Variants in WWOX observed in about 807,000 individuals in gnomAD.
The protein encoded by WWOX is WW domain containing oxidoreductase.
WWOX carries 69 observed loss-of-function variants against 46.2 expected under a neutral mutation model. That is an observed-to-expected ratio of 1.49 (90% CI 1.23 to 1.82). WWOX has a LOEUF of 1.82. Among genes scored for constraint, WWOX ranks in the 40% most tolerant of loss-of-function variants. The pLI, the probability that WWOX is intolerant of heterozygous loss-of-function variation, is 0.00. For synonymous variants in WWOX, 359 were observed against 202.6 expected, an observed-to-expected ratio of 1.77 and a Z score of -6.56; for missense variants, 919 against 542.6, an observed-to-expected ratio of 1.69 and a Z score of -6.89.
chr16:79,099,033 G>C (rs555620076), intron 8 of WWOX, among the ~76,000 whole-genome samples: 1 of 151,804 alleles, frequency 6.6e-6, no homozygotes, highest in African/African-American at 2.4e-5. Context: ...TTCACTCCTG[G>C]CAGAAGGCAA....
intron 8 of WWOX, among the ~76,000 whole-genome samples, chr16:78,869,598 G>A (rs985542529): frequency 1.3e-5 from 2 of 152,206 alleles, no homozygotes; most frequent in African/African-American, 2.4e-5. Flanking sequence ...TTGACACTGC[G>A]CATGGGCTCG....
intron 8 of WWOX, among the ~76,000 whole-genome samples, chr16:78,683,118 C>G (rs750039096): frequency 5.9e-5 from 9 of 152,150 alleles, no homozygotes; most frequent in Non-Finnish European, 1.3e-4. Context: ...AGAAATATTC[C>G]TAAAATCGAT....
chr16:78,311,499 G>A (rs2080243056), intron 5 of WWOX, among the ~76,000 whole-genome samples: 1 of 152,190 alleles, frequency 6.6e-6, no homozygotes, highest in South Asian at 2.1e-4. Flanking sequence ...TTGGGCTTTT[G>A]AGCTACTTCC....
At chr16:78,885,918 G>T (rs1277945289) in intron 8 of WWOX, among the ~76,000 whole-genome samples, 1 of 145,092 alleles carries the variant, frequency 6.9e-6, no homozygotes, top group African/African-American at 2.5e-5. Flanking sequence ...CAGGGATGGG[G>T]ATGGAATTTT....
At chr16:78,372,378 A>G (rs1281216581) in intron 5 of WWOX, among the ~76,000 whole-genome samples, 2 of 152,132 alleles carry the variant, frequency 1.3e-5, no homozygotes, top group Non-Finnish European at 2.9e-5. Context: ...CTGCTGCTCT[A>G]TATAATAGAA....
intron 8 of WWOX, among the ~76,000 whole-genome samples, chr16:79,185,599 T>C (rs1263627280): frequency 6.6e-6 from 1 of 152,206 alleles, no homozygotes. Context: ...CAGGCGCGTC[T>C]GTCTTTCACG....
At chr16:78,997,481 T>C (rs2047013223) in intron 8 of WWOX, among the ~76,000 whole-genome samples, 1 of 152,326 alleles carries the variant, frequency 6.6e-6, no homozygotes, top group East Asian at 1.9e-4. Flanking sequence ...CTCTGGGCTT[T>C]CTACTCCAGA....
At chr16:78,683,803 T>G (rs1433045392) in intron 8 of WWOX, among the ~76,000 whole-genome samples, 1 of 152,178 alleles carries the variant, frequency 6.6e-6, no homozygotes, top group Non-Finnish European at 1.5e-5. Flanking sequence ...AAGAGCTCAC[T>G]CATCAAGATG....
intron 5 of WWOX, chr16:78,355,529 A>G (rs1252756257): frequency 5.0e-6 from 2 of 396,094 alleles, no homozygotes; most frequent in Non-Finnish European, 1.0e-5. Flanking sequence ...TTGATGAAAC[A>G]TGGCAGACAA....
intron 8 of WWOX, among the ~76,000 whole-genome samples, chr16:79,019,936 C>A (rs1223223803): frequency 6.6e-6 from 1 of 152,218 alleles, no homozygotes; most frequent in Non-Finnish European, 1.5e-5. Context: ...TGGGTGACTG[C>A]ATCCATACCA....
chr16:78,488,430 T>C lies in WWOX; in HGVS notation c.1056+55678T>C, dbSNP rs569361940. Among the ~76,000 whole-genome samples, 8 of 152,196 alleles carry C rather than the reference T, an allele frequency of 5.3e-5. No homozygotes were observed. The East Asian group carries it at 5.8e-4, about 11-fold the overall frequency. On this transcript the variant is annotated intron_variant, in intron 8 of 8. Coordinates refer to ENST00000566780, the MANE Select transcript of WWOX (RefSeq NM_016373.4). The stretch of plus-strand genomic sequence containing the variant: ...GCACAGTGGTACACCTGAGCCCTTT[T>C]TTAGGACCCAAGAGTGCTGAGATTG...
intron 8 of WWOX, among the ~76,000 whole-genome samples, chr16:78,521,640 G>A (rs1056760369): frequency 3.3e-5 from 5 of 152,182 alleles, no homozygotes; most frequent in African/African-American, 9.7e-5. Flanking sequence ...CAAAGAAATG[G>A]AACATCAATA....
intron 8 of WWOX, among the ~76,000 whole-genome samples, chr16:78,545,393 C>A (rs1171403488): frequency 3.3e-5 from 5 of 152,008 alleles, no homozygotes; most frequent in South Asian, 4.2e-4. Flanking sequence ...AAAAAAAATT[C>A]TTTTTAAAGA....
chr16:79,122,354 C>T (rs943956247), intron 8 of WWOX, among the ~76,000 whole-genome samples: 1 of 152,188 alleles, frequency 6.6e-6, no homozygotes, highest in African/African-American at 2.4e-5. Context: ...GCTATTGGAA[C>T]AATAGCGCTT....
At chr16:79,050,682 G>A (rs766771365) in intron 8 of WWOX, among the ~76,000 whole-genome samples, 2 of 152,100 alleles carry the variant, frequency 1.3e-5, no homozygotes, top group Admixed American at 6.5e-5. Flanking sequence ...CATGACTTCC[G>A]TTACAATTGA....
At chr16:79,065,565 C>G (rs1446184040) in intron 8 of WWOX, among the ~76,000 whole-genome samples, 1 of 152,224 alleles carries the variant, frequency 6.6e-6, no homozygotes, top group South Asian at 2.1e-4. Flanking sequence ...AAAAACCAGT[C>G]TTAGGTTCTA....
intron 8 of WWOX, among the ~76,000 whole-genome samples, chr16:78,508,744 C>T (rs1193157424): frequency 6.6e-6 from 1 of 152,198 alleles, no homozygotes; most frequent in Non-Finnish European, 1.5e-5. Context: ...ATGCCGGGAT[C>T]TGCAGATCTG....
intron 8 of WWOX, among the ~76,000 whole-genome samples, chr16:78,857,323 C>G (rs1261381654): frequency 6.6e-6 from 1 of 152,120 alleles, no homozygotes; most frequent in African/African-American, 2.4e-5. Flanking sequence ...CTGTTTTTCA[C>G]CATGACATTG....
chr16:79,153,947 C>G (rs902478972), intron 8 of WWOX, among the ~76,000 whole-genome samples: 2 of 140,506 alleles, frequency 1.4e-5, no homozygotes, highest in Non-Finnish European at 3.0e-5. Flanking sequence ...TCCACAATTT[C>G]TTGTCCTGCC....
Sources: gnomAD v4.1 joint callset for allele counts (sites outside exome capture counted in the v4.1 genomes callset) on GRCh38, gnomAD v4.1.1 for gene constraint, MANE v1.5 for transcripts, NCBI Gene and HGNC (gene_info 2026-07-23, HGNC 2026-07-21) for gene names.